The following PIP5K1A variants were observed in gnomAD, a reference collection of about 807,000 sequenced individuals.
PIP5K1A encodes phosphatidylinositol-4-phosphate 5-kinase type 1 alpha, also known as phosphatidylinositol 4-phosphate 5-kinase type-1 alpha.
PIP5K1A carries 46 observed loss-of-function variants against 72.9 expected under a neutral mutation model. The observed-to-expected ratio is 0.63, with a 90% CI of 0.50 to 0.81. PIP5K1A has a LOEUF of 0.81. PIP5K1A is among the 30% of genes least tolerant of loss of function. The pLI is 0.00. For missense variants in PIP5K1A, 458 were observed against 706.1 expected, an observed-to-expected ratio of 0.65 and a Z score of 3.98; for synonymous variants, 228 against 255.1, an observed-to-expected ratio of 0.89 and a Z score of 1.01.
At chr1:151,231,844 CT>C in intron 5 of PIP5K1A, 43 bp downstream of exon 5, 1 of 1,601,630 alleles carries the variant, frequency 6.2e-7, no homozygotes, top group Non-Finnish European at 8.5e-7. Flanking sequence ...GAAATGTGGC[CT>C]TTTCAAATCA....
chr1:151,239,327 C>G, intron 11 of PIP5K1A, 149 bp downstream of exon 11: 1 of 567,932 alleles, frequency 1.8e-6, no homozygotes, highest in East Asian at 3.1e-5. Context: ...GGCTGGAGTG[C>G]AGTGGCGTGA....
intron 14 of PIP5K1A, among the ~76,000 whole-genome samples, chr1:151,245,321 C>T (rs587705586): frequency 1.1e-4 from 17 of 152,278 alleles, no homozygotes; most frequent in African/African-American, 4.1e-4. Flanking sequence ...ACTAGGATCT[C>T]CTTTCCTTCA....
upstream of PIP5K1A, among the ~76,000 whole-genome samples, chr1:151,196,728 A>G (rs1046128545): frequency 2.0e-5 from 3 of 150,592 alleles, no homozygotes; most frequent in Non-Finnish European, 3.0e-5. Context: ...CGCCTGGGTA[A>G]TTTTGTATTT....
At chr1:151,230,681 A>G (rs1302132615) in intron 4 of PIP5K1A, among the ~76,000 whole-genome samples, 2 of 152,172 alleles carry the variant, frequency 1.3e-5, no homozygotes, top group African/African-American at 2.4e-5. Flanking sequence ...AGCTGGGACT[A>G]CAGGTGCACA....
At chr1:151,221,798 G>A (rs1688434066) in intron 1 of PIP5K1A, among the ~76,000 whole-genome samples, 1 of 152,220 alleles carries the variant, frequency 6.6e-6, no homozygotes, top group South Asian at 2.1e-4. Flanking sequence ...ACAGCCAGGT[G>A]CAGTGGTGCA....
At chr1:151,242,938 G>T (rs1327735295) in intron 14 of PIP5K1A, among the ~76,000 whole-genome samples, 1 of 152,222 alleles carries the variant, frequency 6.6e-6, no homozygotes, top group Admixed American at 6.5e-5. Context: ...TCAGTTCTTT[G>T]CTACATGGAC....
At chr1:151,240,073 T>A in intron 12 of PIP5K1A, 34 bp downstream of exon 12, 1 of 1,466,082 alleles carries the variant, frequency 6.8e-7, no homozygotes, top group Non-Finnish European at 9.6e-7. Context: ...TGCCTACTCC[T>A]GCCCAGTGGC....
At chr1:151,203,310 CCT>C in intron 1 of PIP5K1A, among the ~76,000 whole-genome samples, 1 of 152,112 alleles carries the variant, frequency 6.6e-6, no homozygotes, top group Middle Eastern at 3.4e-3. Context: ...AGGCGGATCA[CCT>C]GAGGTCAGGA....
chr1:151,205,077 G>A (rs1206028241), intron 1 of PIP5K1A, among the ~76,000 whole-genome samples: 4 of 152,150 alleles, frequency 2.6e-5, no homozygotes, highest in Non-Finnish European at 5.9e-5. Flanking sequence ...AGCCTGTGAA[G>A]TGAACAACAG....
upstream of PIP5K1A, among the ~76,000 whole-genome samples, chr1:151,195,807 C>T (rs587606758): frequency 1.0e-3 from 155 of 148,106 alleles, no homozygotes; most frequent in Non-Finnish European, 1.8e-3. Context: ...CTCTGTTTGA[C>T]TGCGTTGGTC....
chr1:151,222,733 A>G (rs911272048), intron 1 of PIP5K1A, among the ~76,000 whole-genome samples: 1 of 152,218 alleles, frequency 6.6e-6, no homozygotes, highest in Non-Finnish European at 1.5e-5. Context: ...AACTGAAAGC[A>G]TACAGAGTAC....
chr1:151,232,960 C>G (rs191056845), intron 7 of PIP5K1A, among the ~76,000 whole-genome samples: 1 of 151,790 alleles, frequency 6.6e-6, no homozygotes, highest in Non-Finnish European at 1.5e-5. Flanking sequence ...ATTAGCCAGG[C>G]GTGGTAGCGG....
chr1:151,221,649 A>G (rs1474522591), intron 1 of PIP5K1A, among the ~76,000 whole-genome samples: 10 of 152,230 alleles, frequency 6.6e-5, no homozygotes, highest in Non-Finnish European at 1.2e-4. Flanking sequence ...ATATATATAA[A>G]TCATGGGTAT....
intron 4 of PIP5K1A, among the ~76,000 whole-genome samples, chr1:151,227,642 G>A (rs1689345579): frequency 6.6e-6 from 1 of 152,168 alleles, no homozygotes; most frequent in Non-Finnish European, 1.5e-5. Context: ...TGTAATCCCA[G>A]CACTTTGGGA....
intron 8 of PIP5K1A, among the ~76,000 whole-genome samples, chr1:151,236,167 A>G (rs1372055709): frequency 6.6e-6 from 1 of 151,726 alleles, no homozygotes; most frequent in African/African-American, 2.4e-5. Flanking sequence ...CTGTAAGGCT[A>G]AATTAAATAA....
chr1:151,204,042 C>T (rs1685583710), intron 1 of PIP5K1A, among the ~76,000 whole-genome samples: 1 of 152,012 alleles, frequency 6.6e-6, no homozygotes, highest in South Asian at 2.1e-4. Flanking sequence ...AGTATTGGAG[C>T]ATTTTTGCTT....
rs1326978029 is a variant in PIP5K1A at position 151,220,502 on chromosome 1, CT to C, written c.86-3740del. On this transcript the variant is annotated intron_variant, in intron 1 of 15. Transcript: ENST00000368888. ...TTTTTTTTTAAGACAGGATTTCACT[CT>C]TTCGCCCAGGCAGGAGTGCGATGGT... 2.6e-5 allele frequency among the ~76,000 whole-genome samples: 4 copies of C among 151,354 alleles called. 1 individual carries two copies. The highest frequency in any genetic ancestry group is 5.9e-5 in the Non-Finnish European group (4 of 67,896).
chr1:151,200,387 G>C (rs929517624), intron 1 of PIP5K1A, among the ~76,000 whole-genome samples: 4 of 147,546 alleles, frequency 2.7e-5, no homozygotes, highest in Admixed American at 6.9e-5. Context: ...AGTAGATTGT[G>C]TGTAGGGGAG....
intron 3 of PIP5K1A, among the ~76,000 whole-genome samples, chr1:151,226,192 A>G (rs1046538614): frequency 4.0e-5 from 6 of 149,180 alleles, no homozygotes; most frequent in Non-Finnish European, 7.4e-5. Flanking sequence ...GTTTCAAGCA[A>G]TTCTCTGCCT....
Sources: allele counts gnomAD v4.1 joint callset (sites outside exome capture counted in the v4.1 genomes callset), GRCh38; gene constraint gnomAD v4.1.1; transcripts MANE v1.5; gene names NCBI Gene and HGNC (gene_info 2026-07-23, HGNC 2026-07-21).